Variants in SGK1 observed in about 807,000 individuals in gnomAD.
SGK1 encodes serum/glucocorticoid regulated kinase 1.
SGK1 carries 26 observed loss-of-function variants against 64.2 expected under a neutral mutation model. That is an observed-to-expected ratio of 0.40 (90% CI 0.30 to 0.56). The LOEUF is 0.56. SGK1 is among the 20% of genes least tolerant of loss of function. The pLI is 0.38. For synonymous variants in SGK1, 265 were observed against 239.7 expected, an observed-to-expected ratio of 1.11 and a Z score of -0.98; for missense variants, 519 against 645.6, an observed-to-expected ratio of 0.80 and a Z score of 2.12.
chr6:134,246,355 C>G (rs560581376), intron 2 of SGK1, among the ~76,000 whole-genome samples: 1 of 151,488 alleles, frequency 6.6e-6, no homozygotes, highest in South Asian at 2.1e-4. Flanking sequence ...AGGGGTTTCA[C>G]CATGTTGTTA....
chr6:134,218,466 C>T (rs554025622), intron 2 of SGK1, among the ~76,000 whole-genome samples: 7 of 132,360 alleles, frequency 5.3e-5, no homozygotes, highest in African/African-American at 1.9e-4. Flanking sequence ...GAGAGTCTGG[C>T]TCTGTTGCCC....
intron 1 of SGK1, among the ~76,000 whole-genome samples, chr6:134,290,288 C>T (rs1236164248): frequency 2.0e-5 from 3 of 151,014 alleles, no homozygotes; most frequent in African/African-American, 7.3e-5. Flanking sequence ...CTTGCCACTA[C>T]ACTCCAGCCT....
At chr6:134,306,664 C>T (rs1257200397) in intron 1 of SGK1, among the ~76,000 whole-genome samples, 1 of 151,950 alleles carries the variant, frequency 6.6e-6, no homozygotes, top group Non-Finnish European at 1.5e-5. Flanking sequence ...GCTGGGACTA[C>T]AGGCACTCAC....
At position 134,220,151 on chromosome 6, in the gene SGK1, G is replaced by C. The variant is rs1036671134; in HGVS notation, c.286-12720C>G. ...TTAAGTAAAAATTATTTGTGGCATG[G>C]TGTTTTGTAGATTTTGCCTGATCCA... On this transcript the variant is annotated intron_variant, in intron 2 of 13. Transcript: ENST00000367858. 4.0e-5 allele frequency among the ~76,000 whole-genome samples: 6 copies of C among 151,688 alleles called. 1 individual carries two copies. Among genetic ancestry groups the C allele is most frequent in the African/African-American group, 1.5e-4 (6 of 41,368 alleles).
chr6:134,228,201 C>T (rs890034989), intron 2 of SGK1, among the ~76,000 whole-genome samples: 4 of 152,088 alleles, frequency 2.6e-5, no homozygotes, highest in East Asian at 1.9e-4. Flanking sequence ...GTGATCCACC[C>T]GCCTCGGCCT....
intron 1 of SGK1, among the ~76,000 whole-genome samples, chr6:134,302,850 G>A (rs539183780): frequency 6.6e-6 from 1 of 152,056 alleles, no homozygotes; most frequent in Non-Finnish European, 1.5e-5. Context: ...CACCTCCCGG[G>A]TTCAAGCAAT....
intron 2 of SGK1, among the ~76,000 whole-genome samples, chr6:134,240,248 C>T (rs62425189): frequency 0.079 from 11,586 of 145,788 alleles, 776 homozygotes; most frequent in East Asian, 0.26. Flanking sequence ...GCTGAGATCA[C>T]GCCACTGCAC....
intron 2 of SGK1, among the ~76,000 whole-genome samples, chr6:134,238,497 G>A (rs886227993): frequency 5.3e-5 from 8 of 152,036 alleles, no homozygotes; most frequent in African/African-American, 1.9e-4. Flanking sequence ...AAGAAGTAGG[G>A]GCTAAAGTCT....
chr6:134,241,211 G>A (rs1237017871), intron 2 of SGK1, among the ~76,000 whole-genome samples: 9 of 151,514 alleles, frequency 5.9e-5, no homozygotes, highest in Non-Finnish European at 8.8e-5. Context: ...TACCACATCC[G>A]GCTATTTTTT....
At position 134,197,877 on chromosome 6, in the gene SGK1, AAT is replaced by A. The variant is rs1444757478; in HGVS notation, c.361+9477_361+9478del. On this transcript the variant is annotated intron_variant, in intron 3 of 13. Transcript: ENST00000367858. ...ATAAAATTAAATTAAAATAAAATAA[AAT>A]ATAAAATAAAATAAAATAAAATATA... Among the ~76,000 whole-genome samples the A allele has an allele frequency of 4.3e-4, 40 of 93,302 alleles. 1 individual carries two copies. Among genetic ancestry groups the A allele is most frequent in the African/African-American group, 9.1e-4 (23 of 25,386 alleles). The allele number at this position is 93,302 out of a possible 152,430, so 61.2% of individuals were successfully genotyped here.
At chr6:134,290,273 A>ATG (rs1178879870) in intron 1 of SGK1, among the ~76,000 whole-genome samples, 1 of 151,636 alleles carries the variant, frequency 6.6e-6, no homozygotes, top group East Asian at 1.9e-4. Context: ...GCACTGAGCT[A>ATG]TGATCTTGCC....
intron 1 of SGK1, chr6:134,297,951 C>T: frequency 1.2e-6 from 1 of 803,982 alleles, no homozygotes; most frequent in Non-Finnish European, 2.2e-6. Context: ...AGTGATGATG[C>T]CGTCCATGTC....
chr6:134,222,878 GA>G (rs1281711340), intron 2 of SGK1, among the ~76,000 whole-genome samples: 1 of 152,132 alleles, frequency 6.6e-6, no homozygotes, highest in East Asian at 1.9e-4. Flanking sequence ...CTTAAAAAAT[GA>G]AATAACAGTG....
At chr6:134,296,295 C>A (rs765650069) in intron 1 of SGK1, among the ~76,000 whole-genome samples, 1 of 152,030 alleles carries the variant, frequency 6.6e-6, no homozygotes, top group Non-Finnish European at 1.5e-5. Context: ...TTTTTATAGG[C>A]GAGATATTGC....
At chr6:134,241,672 G>C (rs1202075853) in intron 2 of SGK1, among the ~76,000 whole-genome samples, 1 of 152,160 alleles carries the variant, frequency 6.6e-6, no homozygotes, top group Non-Finnish European at 1.5e-5. Flanking sequence ...CCAGGCTGGA[G>C]TGCAGTGGGA....
intron 7 of SGK1, 58 bp from the exon 8 acceptor site, chr6:134,173,212 G>A: frequency 6.2e-7 from 1 of 1,609,282 alleles, no homozygotes; most frequent in African/African-American, 1.3e-5. Flanking sequence ...CAACATTCCA[G>A]AATCAAGATT....
intron 3 of SGK1, among the ~76,000 whole-genome samples, chr6:134,199,554 C>A (rs1582705351): frequency 1.1e-5 from 1 of 89,428 alleles, no homozygotes; most frequent in Non-Finnish European, 2.4e-5. Flanking sequence ...GCAAGACTCT[C>A]TCTCAAAAAA....
chr6:134,267,924 A>C (rs925047154), intron 1 of SGK1, among the ~76,000 whole-genome samples: 1 of 152,220 alleles, frequency 6.6e-6, no homozygotes, highest in African/African-American at 2.4e-5. Flanking sequence ...CTTAGTCCTT[A>C]TACTGGCTTC....
In SGK1 at chr6:134,206,369, ATATATATATATATATTT is replaced by A. The variant is rs1165156348; in HGVS notation, c.361+970_361+986del. On this transcript the variant is annotated intron_variant, in intron 3 of 13. Transcript: ENST00000367858. ...TATATATATATATATATATATATAT[ATATATATATATATATTT>A]TTTTTTTTTTTTTTTTTTTTTAAAT... is the stretch of plus-strand genomic sequence containing the variant. 6.7e-4 allele frequency among the ~76,000 whole-genome samples: 5 copies of A among 7,480 alleles called. No individual in the cohort carries two copies. In the East Asian group the frequency reaches 9.3e-3, roughly 14 times the overall value. 4.9% of individuals were successfully genotyped at this position (7,480 alleles called of 152,430 possible).
Sources: gnomAD v4.1 joint callset for allele counts (sites outside exome capture counted in the v4.1 genomes callset) on GRCh38, gnomAD v4.1.1 for gene constraint, MANE v1.5 for transcripts, NCBI Gene and HGNC (gene_info 2026-07-23, HGNC 2026-07-21) for gene names.